Variants in RXRA observed in about 807,000 individuals in gnomAD.
The protein encoded by RXRA is retinoid X receptor alpha.
In RXRA, 5 loss-of-function variants were observed where a neutral mutation model predicts 44.5. The ratio of observed to expected loss-of-function variants is 0.11; its 90% CI spans 0.06 to 0.24. The LOEUF (loss-of-function observed/expected upper bound fraction) is 0.24. RXRA is among the 10% of genes least tolerant of loss of function. The pLI, the probability that RXRA is intolerant of heterozygous loss-of-function variation, is 1.00. For missense variants in RXRA, 412 were observed against 646.5 expected, an observed-to-expected ratio of 0.64 and a Z score of 3.93; for synonymous variants, 291 against 271.4, an observed-to-expected ratio of 1.07 and a Z score of -0.71.
At chr9:134,341,439 G>T (rs556483028) in intron 1 of RXRA, among the ~76,000 whole-genome samples, 3 of 152,180 alleles carry the variant, frequency 2.0e-5, no homozygotes, top group Non-Finnish European at 2.9e-5. Context: ...CTGCTGGCTG[G>T]GGAGGGGCCT....
chr9:134,345,229 CCCTCTAGCTGGTATTTGCACAGCCCA>C (rs1554748612), intron 1 of RXRA, among the ~76,000 whole-genome samples: 1 of 152,182 alleles, frequency 6.6e-6, no homozygotes, highest in African/African-American at 2.4e-5. Flanking sequence ...TAACGTATCC[CCCTCTAGCTGGTATTTGCACAGCCCA>C]CGGCTGTGCT....
chr9:134,375,208 C>T (rs549125728), intron 1 of RXRA, among the ~76,000 whole-genome samples: 8 of 152,146 alleles, frequency 5.3e-5, no homozygotes, highest in South Asian at 2.1e-4. Context: ...AGGCTAGAGG[C>T]GAGAGAGCCT....
At chr9:134,422,741 G>T in intron 6 of RXRA, 1 of 985,452 alleles carries the variant, frequency 1.0e-6, no homozygotes, top group African/African-American at 1.7e-5. Context: ...AGGGCCTGGG[G>T]CCTCAGTTTC....
intron 1 of RXRA, among the ~76,000 whole-genome samples, chr9:134,346,348 C>T (rs1452989132): frequency 3.9e-5 from 6 of 152,176 alleles, no homozygotes; most frequent in African/African-American, 1.4e-4. Flanking sequence ...CTGTCCCCTC[C>T]CCCAAATGCC....
intron 6 of RXRA, chr9:134,424,680 TG>T: frequency 1.0e-6 from 1 of 985,456 alleles, no homozygotes; most frequent in Non-Finnish European, 1.2e-6. Context: ...AATTCAGATG[TG>T]GAACACTGGA....
chr9:134,367,052 C>T (rs995949414), intron 1 of RXRA, among the ~76,000 whole-genome samples: 4 of 152,136 alleles, frequency 2.6e-5, no homozygotes, highest in African/African-American at 4.8e-5. Flanking sequence ...GGTCACCTCC[C>T]GTAACAGTCA....
In RXRA at chr9:134,433,411, G is replaced by A. The variant is rs1240778450; in HGVS notation, c.1136-691G>A. Among the ~76,000 whole-genome samples the A allele has an allele frequency of 6.6e-6, 1 of 152,192 alleles. No homozygotes were observed. The highest frequency in any genetic ancestry group is 2.4e-5 in the African/African-American group (1 of 41,432). Reference sequence around the variant, plus strand: ...GAAGAGACCAGGGCACAGGCATGCAGGGAGGGCGAGGAGACTGGCTGGAGC... The same window carrying A: ...GAAGAGACCAGGGCACAGGCATGCAAGGAGGGCGAGGAGACTGGCTGGAGC... On this transcript the variant is annotated intron_variant, in intron 8 of 9. Coordinates refer to ENST00000481739, the MANE Select transcript of RXRA (RefSeq NM_002957.6). This position sits in a 1 kb window ranked among gnomAD's most constrained non-coding sequence, Gnocchi z 4.2.
chr9:134,427,174 A>G (rs576627373), intron 6 of RXRA: 1 of 976,052 alleles, frequency 1.0e-6, no homozygotes, highest in African/African-American at 1.8e-5. Context: ...CAAAAACAAA[A>G]AAAAAAAAAA....
At chr9:134,396,355 C>G (rs1382080675) in intron 1 of RXRA, among the ~76,000 whole-genome samples, 3 of 152,156 alleles carry the variant, frequency 2.0e-5, no homozygotes, top group African/African-American at 7.2e-5. Context: ...GCGCCGTGGT[C>G]CCTGCCACGT....
chr9:134,388,851 T>C (rs1290979928), intron 1 of RXRA, among the ~76,000 whole-genome samples: 1 of 152,190 alleles, frequency 6.6e-6, no homozygotes, highest in Non-Finnish European at 1.5e-5. Context: ...GTCTGGAGGC[T>C]GTGAGTTCTC....
chr9:134,431,044 C>T (rs1435294070), intron 7 of RXRA, among the ~76,000 whole-genome samples: 1 of 152,258 alleles, frequency 6.6e-6, no homozygotes, highest in Non-Finnish European at 1.5e-5. Context: ...AGGAATCAAC[C>T]AGGGCACTCC....
chr9:134,423,516 A>G, intron 6 of RXRA: 26 of 985,456 alleles, frequency 2.6e-5, no homozygotes, highest in Non-Finnish European at 3.0e-5. Flanking sequence ...GGCTGTGTGT[A>G]TAGGGCCTGG....
chr9:134,401,610 C>G, intron 1 of RXRA, 22 bp from the exon 2 acceptor site: 1 of 1,612,504 alleles, frequency 6.2e-7, no homozygotes, highest in Non-Finnish European at 8.5e-7. Context: ...TGACCACTCT[C>G]CTGCGGCTTC....
At chr9:134,428,611 A>C (rs974290343) in intron 6 of RXRA, among the ~76,000 whole-genome samples, 1 of 151,718 alleles carries the variant, frequency 6.6e-6, no homozygotes, top group African/African-American at 2.4e-5. Flanking sequence ...CTGTTACCTA[A>C]CCTTCCCCCC....
intron 1 of RXRA, among the ~76,000 whole-genome samples, chr9:134,368,828 ATG>A (rs902179122): frequency 2.1e-5 from 3 of 144,450 alleles, no homozygotes; most frequent in African/African-American, 5.2e-5. Context: ...TGCTGTGCAT[ATG>A]TGTGACTGCA....
intron 1 of RXRA, among the ~76,000 whole-genome samples, chr9:134,374,771 T>A (rs1457523356): frequency 6.6e-6 from 1 of 152,240 alleles, no homozygotes; most frequent in African/African-American, 2.4e-5. Flanking sequence ...CGAGATTGTC[T>A]AACCTATTTG....
At chr9:134,431,375 CAAG>C (rs964986843) in intron 7 of RXRA, among the ~76,000 whole-genome samples, 1 of 152,198 alleles carries the variant, frequency 6.6e-6, no homozygotes, top group Non-Finnish European at 1.5e-5. Flanking sequence ...TCTCTGGTGA[CAAG>C]AAGTAGACAT....
intron 1 of RXRA, among the ~76,000 whole-genome samples, chr9:134,351,288 T>C (rs1270118943): frequency 6.6e-6 from 1 of 152,152 alleles, no homozygotes; most frequent in Non-Finnish European, 1.5e-5. Context: ...TGCAGCGTCC[T>C]CCTCAGAGAA....
intron 1 of RXRA, among the ~76,000 whole-genome samples, chr9:134,337,191 G>T (rs1348057087): frequency 6.6e-6 from 1 of 152,216 alleles, no homozygotes; most frequent in Non-Finnish European, 1.5e-5. Flanking sequence ...CCCTTGTTGG[G>T]GACCTGGGTC....
Sources: gnomAD v4.1 joint callset for allele counts (sites outside exome capture counted in the v4.1 genomes callset) on GRCh38, gnomAD v4.1.1 for gene constraint, Gnocchi (gnomAD v3.1) non-coding constraint, MANE v1.5 for transcripts, NCBI Gene and HGNC (gene_info 2026-07-23, HGNC 2026-07-21) for gene names.